The following SH2D1A variants were observed in gnomAD, a reference collection of about 807,000 sequenced individuals.
The protein encoded by SH2D1A is SH2 domain-containing protein 1A.
SH2D1A carries 6 observed loss-of-function variants against 10.1 expected under a neutral mutation model. That is an observed-to-expected ratio of 0.60 (90% CI 0.33 to 1.18). SH2D1A has a LOEUF of 1.18. Ranked by LOEUF, SH2D1A falls within the 50% of genes most tolerant of loss-of-function variation. The pLI, the probability that SH2D1A is intolerant of heterozygous loss-of-function variation, is 0.04. For missense variants in SH2D1A, 51 were observed against 97.6 expected (o/e 0.52, Z 2.01); for synonymous variants, 42 against 36.9 (o/e 1.14, Z -0.51).
chrX:124,365,455 A>G (rs1279179673), intron 1 of SH2D1A, among the ~76,000 whole-genome samples: 2 of 110,819 alleles, frequency 1.8e-5, no homozygotes, highest in Non-Finnish European at 3.8e-5. Flanking sequence ...GGTTTTATCA[A>G]TTACAACAGG....
intron 1 of SH2D1A, among the ~76,000 whole-genome samples, chrX:124,349,470 G>A (rs1427468539): frequency 9.0e-6 from 1 of 111,273 alleles, no homozygotes; most frequent in East Asian, 2.8e-4. Flanking sequence ...CAATATAAGT[G>A]GTATCATATA....
chrX:124,346,597 C>G lies in SH2D1A; in HGVS notation c.-46C>G. 1 of 1,205,869 alleles carries G rather than the reference C, an allele frequency of 8.3e-7. No individual in the cohort carries two copies. The highest frequency in any genetic ancestry group is 1.1e-6 in the Non-Finnish European group (1 of 890,381). On this transcript the variant is annotated 5_prime_UTR_variant, in exon 1 of 4. Transcript: ENST00000371139. ...CTGGCTGCAGTAGCAGCGGCATCTC[C>G]CTTGCACAGTTCTCCTCCTCGGCCT... is the stretch of plus-strand genomic sequence containing the variant.
At chrX:124,363,561 A>G (rs936168218) in intron 1 of SH2D1A, among the ~76,000 whole-genome samples, 11 of 111,215 alleles carry the variant, frequency 9.9e-5, no homozygotes, top group African/African-American at 3.3e-4. Flanking sequence ...TTGTGATGAC[A>G]CTGGTATAAA....
intron 1 of SH2D1A, among the ~76,000 whole-genome samples, chrX:124,363,822 C>T (rs867897558): frequency 4.6e-5 from 4 of 87,611 alleles, no homozygotes; most frequent in African/African-American, 1.3e-4. Flanking sequence ...ACCCGGGAGG[C>T]GGAGGTTGCA....
chrX:124,371,278 TAA>T, intron 3 of SH2D1A, 71 bp from the exon 4 acceptor site: 5 of 720,431 alleles, frequency 6.9e-6, no homozygotes, highest in African/African-American at 2.1e-5. Context: ...GGAAATTTTA[TAA>T]GTTTGAGTTA....
Position 124,371,992 on chromosome X carries a change from G to A in SH2D1A, c.*601G>A. The stretch of plus-strand genomic sequence containing the variant: ...ACAGTAAAATCCACAGACCAACCTG[G>A]AGTTGAAAATCTTATAATTTAAAAT... On this transcript the variant is annotated 3_prime_UTR_variant, in exon 4 of 4. Coordinates refer to ENST00000371139, the MANE Select transcript of SH2D1A (RefSeq NM_002351.5). 6.3e-6 allele frequency: 1 copy of A among 159,522 alleles called. No individual in the cohort carries two copies. The highest frequency in any genetic ancestry group is 1.2e-5 in the Non-Finnish European group (1 of 81,539). The allele number at this position is 159,522 out of a possible 1,213,427, so 13.1% of individuals were successfully genotyped here.
rs777227869 is a variant in SH2D1A, at chrX:124,363,039, G to T, written c.138-2722G>T. ...TCGATCTTGGACTTTCCAGCCTCCAGAACTGTGAGAAAGTAAATTTCTTTT... is the reference window on the plus strand; with the variant it reads ...TCGATCTTGGACTTTCCAGCCTCCATAACTGTGAGAAAGTAAATTTCTTTT... On this transcript the variant is annotated intron_variant, in intron 1 of 3. Transcript: ENST00000371139. 5.4e-5 allele frequency among the ~76,000 whole-genome samples: 6 copies of T among 111,416 alleles called. No homozygotes were observed. In the East Asian group the frequency reaches 1.7e-3, roughly 31 times the overall value.
At chrX:124,368,801 G>A (rs1185373040) in intron 2 of SH2D1A, among the ~76,000 whole-genome samples, 1 of 112,651 alleles carries the variant, frequency 8.9e-6, no homozygotes, top group Non-Finnish European at 1.9e-5. Context: ...ACTGAGGAAA[G>A]TATAAGGAGG....
intron 1 of SH2D1A, among the ~76,000 whole-genome samples, chrX:124,350,215 A>G (rs1278299697): frequency 1.3e-4 from 6 of 47,634 alleles, no homozygotes; most frequent in Non-Finnish European, 2.0e-4. Context: ...TAAAATATAT[A>G]ATATATAAAT....
At chrX:124,357,220 A>G (rs2060028634) in intron 1 of SH2D1A, among the ~76,000 whole-genome samples, 1 of 111,995 alleles carries the variant, frequency 8.9e-6, no homozygotes, top group Admixed American at 9.5e-5. Flanking sequence ...GATCCCATGT[A>G]TAACTGAAAC....
At chrX:124,366,218 A>G (rs1323954051) in intron 2 of SH2D1A, among the ~76,000 whole-genome samples, 1 of 111,208 alleles carries the variant, frequency 9.0e-6, no homozygotes, top group East Asian at 2.8e-4. Context: ...AGAGACTACA[A>G]TATACTTGGG....
At chrX:124,349,961 T>G (rs779686837) in intron 1 of SH2D1A, among the ~76,000 whole-genome samples, 1 of 104,393 alleles carries the variant, frequency 9.6e-6, no homozygotes, top group Non-Finnish European at 1.9e-5. Flanking sequence ...AGAAAAATCA[T>G]CTATAGTTTT....
At chrX:124,358,432 G>A (rs1459142909) in intron 1 of SH2D1A, among the ~76,000 whole-genome samples, 2 of 112,016 alleles carry the variant, frequency 1.8e-5, no homozygotes, top group Non-Finnish European at 3.8e-5. Context: ...GACAGGGACA[G>A]AGTATGTTTT....
chrX:124,359,969 G>T (rs1025394459), intron 1 of SH2D1A, among the ~76,000 whole-genome samples: 1 of 110,219 alleles, frequency 9.1e-6, no homozygotes, highest in South Asian at 3.9e-4. Context: ...GCAATGGTGC[G>T]ATCTCAGCGC....
rs1236429420 is a variant in SH2D1A at position 124,372,268 on chromosome X, G to T, written c.*877G>T. The T allele has an allele frequency of 3.0e-5, 5 of 165,449 alleles. No individual in the cohort carries two copies. Among genetic ancestry groups the T allele is most frequent in the Non-Finnish European group, 5.8e-5 (5 of 86,403 alleles). 13.6% of individuals were successfully genotyped at this position (165,449 alleles called of 1,213,427 possible). The stretch of plus-strand genomic sequence containing the variant: ...GTATTATTTTTTAAAAAAATTCCAA[G>T]TGATTGAAACCTACACGAGATACAG... On this transcript the variant is annotated 3_prime_UTR_variant, in exon 4 of 4. Transcript: ENST00000371139.
rs2060069101 is a variant in SH2D1A, at chrX:124,371,486, GCATTTCTAAAGC to G, written c.*100_*111del. ...TAATACAGTTCGGTGAGCTACAAAT[GCATTTCTAAAGC>G]CATTGTAGTCCTGTAATGGAAGCAT... On this transcript the variant is annotated 3_prime_UTR_variant, in exon 4 of 4. Transcript: ENST00000371139. 1 of 579,044 alleles carries G rather than the reference GCATTTCTAAAGC, an allele frequency of 1.7e-6. No individual in the cohort carries two copies. The highest frequency in any genetic ancestry group is 3.1e-5 in the Admixed American group (1 of 32,355). 47.7% of individuals were successfully genotyped at this position (579,044 alleles called of 1,213,427 possible).
intron 1 of SH2D1A, among the ~76,000 whole-genome samples, chrX:124,364,795 A>C (rs1344071344): frequency 1.8e-5 from 2 of 111,385 alleles, no homozygotes; most frequent in East Asian, 5.6e-4. Context: ...GTGTAGCCTA[A>C]GTTTACAGTG....
intron 1 of SH2D1A, among the ~76,000 whole-genome samples, chrX:124,355,028 A>T (rs1391948135): frequency 8.9e-6 from 1 of 112,958 alleles, no homozygotes; most frequent in Admixed American, 9.3e-5. Context: ...CTCTGGATAT[A>T]AAAGTTCTGA....
chrX:124,359,497 G>A (rs1216088565), intron 1 of SH2D1A, among the ~76,000 whole-genome samples: 4 of 111,444 alleles, frequency 3.6e-5, no homozygotes, highest in African/African-American at 1.3e-4. Context: ...CTGTTTCACT[G>A]CTTCCATCTC....
Sources: allele counts gnomAD v4.1 joint callset (sites outside exome capture counted in the v4.1 genomes callset), GRCh38; gene constraint gnomAD v4.1.1; transcripts MANE v1.5; gene names NCBI Gene and HGNC (gene_info 2026-07-23, HGNC 2026-07-21).